The following DMD variants were observed in gnomAD, a reference collection of about 807,000 sequenced individuals.
The protein encoded by DMD is mutant dystrophin.
Under a neutral mutation model 330.1 loss-of-function variants are expected in DMD, and 63 were observed. The observed-to-expected ratio is 0.19, with a 90% CI of 0.16 to 0.24. DMD has a LOEUF of 0.24. DMD is among the 10% of genes least tolerant of loss of function. DMD has a pLI of 1.00. For missense variants in DMD, 3,344 were observed against 2,684.1 expected, an observed-to-expected ratio of 1.25 and a Z score of -5.43; for synonymous variants, 1,223 against 959.8, an observed-to-expected ratio of 1.27 and a Z score of -5.07.
At chrX:33,264,668 C>A (rs1455414823) in intron 1 of DMD, among the ~76,000 whole-genome samples, 3 of 108,896 alleles carry the variant, frequency 2.8e-5, no homozygotes, top group African/African-American at 9.9e-5. Context: ...GAATTTTCTC[C>A]TTCGTTATGA....
At chrX:32,939,597 C>G (rs1248872273) in intron 2 of DMD, among the ~76,000 whole-genome samples, 1 of 111,747 alleles carries the variant, frequency 8.9e-6, no homozygotes, top group Admixed American at 9.6e-5. Flanking sequence ...GTAAAGAAAG[C>G]ATGTGTGTGG....
At chrX:33,239,455 G>GAA (rs36090805) in intron 1 of DMD, among the ~76,000 whole-genome samples, 23 of 105,960 alleles carry the variant, frequency 2.2e-4, no homozygotes, top group Non-Finnish European at 3.7e-4. Flanking sequence ...ATTTCCTAAG[G>GAA]AAAAAAAAGG....
intron 44 of DMD, among the ~76,000 whole-genome samples, chrX:32,164,803 C>T (rs748019850): frequency 9.2e-6 from 1 of 108,747 alleles, no homozygotes; most frequent in African/African-American, 3.4e-5. Flanking sequence ...GTCCCCCCCC[C>T]AACCCCACCA....
chrX:32,102,376 T>C (rs2096544160), intron 44 of DMD, among the ~76,000 whole-genome samples: 1 of 111,676 alleles, frequency 9.0e-6, no homozygotes, highest in South Asian at 3.7e-4. Context: ...AAATTAAGTT[T>C]GTATTAGTTT....
chrX:32,737,922 A>C (rs2068735874), intron 7 of DMD, among the ~76,000 whole-genome samples: 1 of 112,208 alleles, frequency 8.9e-6, no homozygotes, highest in Middle Eastern at 4.2e-3. Context: ...AAAAATAAAA[A>C]AGAAATCTGA....
chrX:32,171,474 T>G (rs980196434), intron 44 of DMD, among the ~76,000 whole-genome samples: 4 of 111,916 alleles, frequency 3.6e-5, no homozygotes, highest in Admixed American at 9.5e-5. Flanking sequence ...TGTTGCTAAT[T>G]TTTTAATTGA....
chrX:32,167,135 C>A lies in DMD; in HGVS notation c.6438+49781G>T, dbSNP rs181796955. Among the ~76,000 whole-genome samples, 25 of 111,853 alleles carry A rather than the reference C, an allele frequency of 2.2e-4. No individual in the cohort carries two copies. The East Asian group carries it at 6.8e-3, about 30-fold the overall frequency. ...GTCATACTCTATTCCCTGGAATCAC[C>A]AAACCTGTACCTAACAGAGGAATTC... On this transcript the variant is annotated intron_variant, in intron 44 of 78. Transcript: ENST00000357033.
intron 25 of DMD, among the ~76,000 whole-genome samples, chrX:32,458,773 T>C (rs985414161): frequency 3.6e-5 from 4 of 111,969 alleles, no homozygotes; most frequent in African/African-American, 1.3e-4. Flanking sequence ...ATATACCTGT[T>C]GGTCATTTCT....
intron 11 of DMD, among the ~76,000 whole-genome samples, chrX:32,629,521 G>A (rs1184353951): frequency 1.8e-5 from 2 of 110,997 alleles, no homozygotes; most frequent in African/African-American, 3.3e-5. Context: ...TACATTCCAT[G>A]TTATCATTGG....
chrX:32,396,225 T>C (rs1459821146), intron 30 of DMD, among the ~76,000 whole-genome samples: 1 of 111,504 alleles, frequency 9.0e-6, no homozygotes, highest in Non-Finnish European at 1.9e-5. Flanking sequence ...AAGCATTCCA[T>C]GGAATTTGAA....
At position 31,185,794 on chromosome X, in the gene DMD, A is replaced by G. The variant is rs575451242; in HGVS notation, c.9808-2890T>C. 2.1e-4 allele frequency among the ~76,000 whole-genome samples: 23 copies of G among 108,678 alleles called. No individual in the cohort carries two copies. The South Asian group carries it at 7.0e-3, about 33-fold the overall frequency. The allele number at this position is 108,678 out of a possible 115,157, so 94.4% of individuals were successfully genotyped here. A position where few individuals can be genotyped will look rare whatever the true frequency, so the allele number is the denominator to read the frequency against. ...TTTTTGTTTTTTTTTTTTACCACGT[A>G]CTAAACTGACCTTACCAATATTTTC... On this transcript the variant is annotated intron_variant, in intron 67 of 78. Coordinates refer to ENST00000357033, the MANE Select transcript of DMD (RefSeq NM_004006.3).
chrX:31,449,516 C>T (rs1445492798), intron 59 of DMD, among the ~76,000 whole-genome samples: 1 of 108,838 alleles, frequency 9.2e-6, no homozygotes, highest in Non-Finnish European at 1.9e-5. Flanking sequence ...AAGGGAGTTT[C>T]GATATTAGCC....
chrX:32,663,604 G>A (rs1051104901), intron 9 of DMD, among the ~76,000 whole-genome samples: 1 of 111,340 alleles, frequency 9.0e-6, no homozygotes, highest in Non-Finnish European at 1.9e-5. Flanking sequence ...TATTTATTAA[G>A]CAACTACAAA....
At chrX:31,614,872 T>G (rs901290533) in intron 55 of DMD, among the ~76,000 whole-genome samples, 2 of 112,402 alleles carry the variant, frequency 1.8e-5, no homozygotes, top group Non-Finnish European at 3.8e-5. Context: ...TAAATTATTT[T>G]CAATACCATT....
chrX:32,984,442 A>T (rs1453326738), intron 2 of DMD, among the ~76,000 whole-genome samples: 1 of 111,240 alleles, frequency 9.0e-6, no homozygotes, highest in Admixed American at 9.6e-5. Flanking sequence ...TTTAGTAGAG[A>T]CAGGGTTTTG....
At chrX:32,639,632 G>A (rs1287555021) in intron 11 of DMD, among the ~76,000 whole-genome samples, 1 of 112,122 alleles carries the variant, frequency 8.9e-6, no homozygotes, top group Non-Finnish European at 1.9e-5. Flanking sequence ...AAAAGCAACA[G>A]AATTGGAGGG....
At chrX:31,588,751 C>T (rs1002530283) in intron 55 of DMD, among the ~76,000 whole-genome samples, 43 of 110,613 alleles carry the variant, frequency 3.9e-4, no homozygotes, top group Non-Finnish European at 7.8e-4. Flanking sequence ...ATACCCTGCC[C>T]CTCCCAACAT....
intron 63 of DMD, among the ~76,000 whole-genome samples, chrX:31,247,962 A>C (rs1203910480): frequency 8.9e-6 from 1 of 111,732 alleles, no homozygotes; most frequent in African/African-American, 3.3e-5. Flanking sequence ...GAGTCAACTG[A>C]GTGGCAGTCT....
At chrX:33,214,418 G>A (rs1603419794), upstream of DMD, among the ~76,000 whole-genome samples, 1 of 111,470 alleles carries the variant, frequency 9.0e-6, no homozygotes, top group East Asian at 2.8e-4. Context: ...AAGAATTGAT[G>A]TTTTTACCGC....
Sources: gnomAD v4.1 joint callset for allele counts (sites outside exome capture counted in the v4.1 genomes callset) on GRCh38, gnomAD v4.1.1 for gene constraint, MANE v1.5 for transcripts, NCBI Gene and HGNC (gene_info 2026-07-23, HGNC 2026-07-21) for gene names.